The following ZCCHC7 variants were observed in gnomAD, a reference collection of about 807,000 sequenced individuals.
The protein encoded by ZCCHC7 is zinc finger CCHC-type containing 7, also known as zinc finger CCHC domain-containing protein 7.
ZCCHC7 carries 35 observed loss-of-function variants against 52.0 expected under a neutral mutation model. The ratio of observed to expected loss-of-function variants is 0.67; its 90% CI spans 0.51 to 0.89. The LOEUF (loss-of-function observed/expected upper bound fraction) is 0.89, where lower values mean the gene tolerates loss of function less well. ZCCHC7 is among the 40% of genes least tolerant of loss of function. The pLI is 0.00. For synonymous variants in ZCCHC7, 217 were observed against 221.5 expected (o/e 0.98, Z 0.18); for missense variants, 574 against 649.1 (o/e 0.88, Z 1.26).
chr9:37,271,969 C>T (rs1827439585), intron 2 of ZCCHC7, among the ~76,000 whole-genome samples: 1 of 152,140 alleles, frequency 6.6e-6, no homozygotes, highest in South Asian at 2.1e-4. Context: ...GGTAGGGATA[C>T]AGATGAAATA....
chr9:37,290,946 G>T (rs558915696), intron 2 of ZCCHC7, among the ~76,000 whole-genome samples: 1 of 152,278 alleles, frequency 6.6e-6, no homozygotes, highest in Non-Finnish European at 1.5e-5. Flanking sequence ...ACAGAAGAAT[G>T]ATGAAATTGC....
At position 37,356,892 on chromosome 9, in the gene ZCCHC7, CA is replaced by C; in HGVS notation, c.1259del (p.Asn420MetfsTer8). ...EPSKLPYIKA[A>X]NENPHHDIRK... is the part of the protein sequence containing the mutation. The stretch of plus-strand genomic sequence containing the variant: ...TCCAAGCTACCTTATATAAAAGCAG[CA>C]AATGAGAACCCCCACCATGATATAA... On this transcript the variant is annotated frameshift_variant, in exon 9 of 9. Transcript: ENST00000336755. LOFTEE classifies it low-confidence loss of function (END_TRUNC). 1 of 1,612,294 alleles carries C rather than the reference CA, an allele frequency of 6.2e-7. No homozygotes were observed. The highest frequency in any genetic ancestry group is 1.1e-5 in the South Asian group (1 of 90,686).
chr9:37,192,825 AAAAACTTTACAC>A (rs138559025), intron 2 of ZCCHC7, among the ~76,000 whole-genome samples: 7,711 of 152,252 alleles, frequency 0.051, 637 homozygotes, highest in African/African-American at 0.17. Flanking sequence ...CCCTTTTTAA[AAAAACTTTACAC>A]AAAATGTAAA....
rs112811918 is a variant in ZCCHC7 at position 37,237,143 on chromosome 9, C to G, written c.611-65045C>G. 5.9e-5 allele frequency among the ~76,000 whole-genome samples: 9 copies of G among 152,246 alleles called. 1 individual carries two copies. The highest frequency in any genetic ancestry group is 1.9e-4 in the African/African-American group (8 of 41,550). On this transcript the variant is annotated intron_variant, in intron 2 of 8. Coordinates refer to ENST00000336755, the MANE Select transcript of ZCCHC7 (RefSeq NM_032226.3). Reference sequence around the variant, plus strand: ...AGACTGAGCACTCAACCTGGAGTTCCTTAAAAAGAAGACACAACAGGAAGG... The same window carrying G: ...AGACTGAGCACTCAACCTGGAGTTCGTTAAAAAGAAGACACAACAGGAAGG...
chr9:37,269,618 CAAAAA>C (rs1170865355), intron 2 of ZCCHC7, among the ~76,000 whole-genome samples: 3 of 27,238 alleles, frequency 1.1e-4, no homozygotes, highest in African/African-American at 2.7e-4. Flanking sequence ...GACTCTGTCT[CAAAAA>C]AAAAAAAAAA....
At chr9:37,173,123 C>A (rs1821832226) in intron 2 of ZCCHC7, among the ~76,000 whole-genome samples, 1 of 151,742 alleles carries the variant, frequency 6.6e-6, no homozygotes, top group Admixed American at 6.6e-5. Flanking sequence ...CTCGAGTGAA[C>A]AACGTGGGCA....
chr9:37,208,463 T>C (rs1314779206), intron 2 of ZCCHC7, among the ~76,000 whole-genome samples: 10 of 152,080 alleles, frequency 6.6e-5, no homozygotes, highest in African/African-American at 2.2e-4. Flanking sequence ...TAGGCAGGAG[T>C]GCTGCTTCAG....
intron 6 of ZCCHC7, 113 bp from the exon 7 acceptor site, chr9:37,349,244 C>A: frequency 9.8e-7 from 1 of 1,019,300 alleles, no homozygotes; most frequent in African/African-American, 1.6e-5. Flanking sequence ...GGTCTCCATA[C>A]AAAACTCTAA....
intron 5 of ZCCHC7, among the ~76,000 whole-genome samples, chr9:37,321,090 G>A (rs1050304683): frequency 7.2e-4 from 107 of 149,222 alleles, no homozygotes; most frequent in African/African-American, 2.4e-3. Flanking sequence ...CTGGGTTCAA[G>A]CGATTCTCCT....
chr9:37,191,788 T>C (rs573651684), intron 2 of ZCCHC7, among the ~76,000 whole-genome samples: 137 of 152,348 alleles, frequency 9.0e-4, no homozygotes, highest in Non-Finnish European at 1.8e-3. Flanking sequence ...AGAAAACCAT[T>C]TCACCTGCTC....
intron 2 of ZCCHC7, among the ~76,000 whole-genome samples, chr9:37,297,323 C>T (rs569677732): frequency 1.3e-5 from 2 of 152,202 alleles, no homozygotes; most frequent in East Asian, 3.9e-4. Flanking sequence ...AGGGCAAGCA[C>T]CATGTCTAAG....
intron 7 of ZCCHC7, among the ~76,000 whole-genome samples, chr9:37,353,809 T>C (rs192609239): frequency 1.4e-4 from 22 of 152,370 alleles, no homozygotes; most frequent in Admixed American, 1.3e-3. Flanking sequence ...CTTTAAAATA[T>C]ATTCTAATTG....
chr9:37,161,449 C>T (rs1821099523), intron 2 of ZCCHC7, among the ~76,000 whole-genome samples: 1 of 152,048 alleles, frequency 6.6e-6, no homozygotes. Flanking sequence ...GTGGCAGCCT[C>T]CTGTAGTCCC....
intron 7 of ZCCHC7, among the ~76,000 whole-genome samples, chr9:37,351,752 A>G (rs891844901): frequency 1.3e-5 from 2 of 152,248 alleles, no homozygotes; most frequent in African/African-American, 4.8e-5. Context: ...ACATAGATGT[A>G]CAATTTTTGC....
chr9:37,132,872 C>T (rs1384607735), intron 2 of ZCCHC7, among the ~76,000 whole-genome samples: 2 of 152,228 alleles, frequency 1.3e-5, no homozygotes, highest in South Asian at 2.1e-4. Flanking sequence ...GACATGGTGG[C>T]TCACGCCTGT....
chr9:37,225,722 A>C (rs999435069), intron 2 of ZCCHC7, among the ~76,000 whole-genome samples: 1 of 152,200 alleles, frequency 6.6e-6, no homozygotes, highest in Admixed American at 6.5e-5. Context: ...GCATTTTACA[A>C]AGTTTATCAC....
intron 5 of ZCCHC7, among the ~76,000 whole-genome samples, chr9:37,307,860 T>C (rs1829402158): frequency 1.3e-5 from 2 of 152,184 alleles, no homozygotes; most frequent in African/African-American, 2.4e-5. Flanking sequence ...CAAACAGTGG[T>C]GCATTTAATA....
At chr9:37,309,379 A>G (rs1040696270) in intron 5 of ZCCHC7, among the ~76,000 whole-genome samples, 2 of 152,238 alleles carry the variant, frequency 1.3e-5, no homozygotes, top group Non-Finnish European at 2.9e-5. Flanking sequence ...CTGCAGCCCT[A>G]TCAAATGCTT....
intron 2 of ZCCHC7, among the ~76,000 whole-genome samples, chr9:37,252,062 ATC>A (rs1826356999): frequency 6.6e-6 from 1 of 152,144 alleles, no homozygotes; most frequent in Admixed American, 6.6e-5. Flanking sequence ...TTAATAATAT[ATC>A]TCTTATAGGC....
Sources: gnomAD v4.1 joint callset for allele counts (sites outside exome capture counted in the v4.1 genomes callset) on GRCh38, gnomAD v4.1.1 for gene constraint, MANE v1.5 for transcripts, NCBI Gene and HGNC (gene_info 2026-07-23, HGNC 2026-07-21) for gene names.